MYH4: variants seen among roughly 807,000 people sequenced by gnomAD.
MYH4 encodes the protein myosin heavy chain 4, also known as myosin-4.
A neutral mutation model predicts 229.9 loss-of-function variants in MYH4; 200 were observed. The observed-to-expected ratio is 0.87, with a 90% CI of 0.78 to 0.98. MYH4 has a LOEUF of 0.98. MYH4 is among the 50% of genes least tolerant of loss of function. MYH4 has a pLI of 0.00. For synonymous variants in MYH4, 761 were observed against 834.6 expected (o/e 0.91, Z 1.52); for missense variants, 2,148 against 2,332.6 (o/e 0.92, Z 1.63).
Position 10,450,476 on chromosome 17 carries a change from G to C in MYH4, c.4158C>G (p.Arg1386=). Residue 1386 remains arginine (R), a synonymous_variant, in exon 30 of 40, where the codon CGC becomes CGG. Coordinates refer to ENST00000255381, the MANE Select transcript of MYH4 (RefSeq NM_017533.2). ...ACTTGGCCTCCTCCAGCTCCTCTGTGCGCTGGATGGCGTCCGTCTCGTACT... is the reference window on the plus strand; with the variant it reads ...ACTTGGCCTCCTCCAGCTCCTCTGTCCGCTGGATGGCGTCCGTCTCGTACT... ...RTKYETDAIQ[R]TEELEEAKKK... is the part of the protein sequence containing the mutation. The C allele has an allele frequency of 6.2e-7, 1 of 1,613,896 alleles. No homozygotes were observed. The highest frequency in any genetic ancestry group is 8.5e-7 in the Non-Finnish European group (1 of 1,179,888).
rs762957514 is a variant in MYH4, at chr17:10,450,895, C to T, written c.3866G>A (p.Gly1289Asp). 1.2e-6 allele frequency: 2 copies of T among 1,607,784 alleles called. No homozygotes were observed. The highest frequency in any genetic ancestry group is 1.7e-4 in the Middle Eastern group (1 of 6,056). The part of the protein sequence containing the change: ...AQKARLHTES[G>D]EFSRQLDEKD... ...TTCATCTAGCTGTCGTGAAAACTCA[C>T]CTGTGGAAGACAAAACATCAATGAT... Residue 1289 changes from glycine (G) to aspartate (D), a missense_variant and splice_region_variant, in exon 29 of 40, where the codon GGT becomes GAT. Gly to Asp is a moderately conservative substitution (Grantham distance 94). Coordinates refer to ENST00000255381, the MANE Select transcript of MYH4 (RefSeq NM_017533.2).
chr17:10,456,618 C>A, intron 16 of MYH4, 63 bp from the exon 17 acceptor site: 7 of 1,330,072 alleles, frequency 5.3e-6, no homozygotes, highest in Non-Finnish European at 7.5e-6. Flanking sequence ...TATCCATAAA[C>A]ATCAGGACTG....
At chr17:10,455,466 G>T in intron 19 of MYH4, 148 bp downstream of exon 19, 1 of 1,303,764 alleles carries the variant, frequency 7.7e-7, no homozygotes, top group Non-Finnish European at 1.1e-6. Context: ...AAAAACTTAT[G>T]ATAATATAAA....
Position 10,457,700 on chromosome 17 carries a change from C to T in MYH4, c.1617G>A (p.Glu539=). ...CTGTTGCCTTGGGGAACATGCACTC[C>T]TCTTCTAGGATGGAGAAGATGCCCA... ...KPMGIFSILE[E]ECMFPKATDT... Residue 539 remains glutamate (E), a synonymous_variant, in exon 16 of 40, where the codon GAG becomes GAA. Coordinates refer to ENST00000255381, the MANE Select transcript of MYH4 (RefSeq NM_017533.2). The T allele has an allele frequency of 1.2e-6, 2 of 1,614,058 alleles. No individual in the cohort carries two copies. Among genetic ancestry groups the T allele is most frequent in the Non-Finnish European group, 1.7e-6 (2 of 1,179,954 alleles).
intron 4 of MYH4, among the ~76,000 whole-genome samples, chr17:10,466,049 C>T (rs2072762760): frequency 6.6e-6 from 1 of 152,144 alleles, no homozygotes; most frequent in African/African-American, 2.4e-5. Flanking sequence ...GCTGGGATTA[C>T]AGGCGTGAGC....
intron 35 of MYH4, among the ~76,000 whole-genome samples, chr17:10,446,378 A>G (rs1479187104): frequency 2.0e-5 from 3 of 152,138 alleles, no homozygotes; most frequent in African/African-American, 7.2e-5. Flanking sequence ...GATGTTTCCT[A>G]TATGTTTATA....
In MYH4 at chr17:10,457,641, T is replaced by C. The variant is rs768673169; in HGVS notation, c.1676A>G (p.His559Arg). The change falls in exon 16 of 40, where the codon CAT (histidine) becomes CGT (arginine). Residue 559 changes from histidine (H) to arginine (R), a missense_variant. By Grantham distance (29) the His-to-Arg change is conservative. Coordinates refer to ENST00000255381, the MANE Select transcript of MYH4 (RefSeq NM_017533.2). ...TSFKNKLYEQ[H>R]LGKSNNFQKP... ...CTGGAAGTTGTTGGATTTTCCAAGATGTTGTTCATACAGCTTGTTCTTGAA... is the reference window on the plus strand; with the variant it reads ...CTGGAAGTTGTTGGATTTTCCAAGACGTTGTTCATACAGCTTGTTCTTGAA... 1.5e-5 allele frequency: 24 copies of C among 1,614,116 alleles called. No individual in the cohort carries two copies. Among genetic ancestry groups the C allele is most frequent in the Non-Finnish European group, 1.9e-5 (22 of 1,180,048 alleles).
At chr17:10,467,201 A>G (rs888748019) in intron 2 of MYH4, among the ~76,000 whole-genome samples, 3 of 152,230 alleles carry the variant, frequency 2.0e-5, no homozygotes, top group Non-Finnish European at 2.9e-5. Context: ...TGGCTTTACA[A>G]TATAAATGAA....
chr17:10,453,949 T>C (rs1037072302), intron 22 of MYH4, 64 bp from the exon 23 acceptor site: 1 of 1,587,820 alleles, frequency 6.3e-7, no homozygotes, highest in South Asian at 1.2e-5. Context: ...CAATAATTTA[T>C]TATAAGGTGG....
rs752287908 is a variant in MYH4 at position 10,452,143 on chromosome 17, C to G, written c.3536G>C (p.Arg1179Pro). The G allele has an allele frequency of 1.2e-6, 2 of 1,614,034 alleles. No homozygotes were observed. The highest frequency in any genetic ancestry group is 1.1e-5 in the South Asian group (1 of 91,072). The change falls in exon 27 of 40, where the codon CGC becomes CCC. Residue 1179 changes from arginine (R) to proline (P), a missense_variant. Physicochemically the swap from Arg to Pro is moderately radical, Grantham distance 103 (BLOSUM62 -2). Transcript: ENST00000255381. ...KKREAEFQKM[R>P]RDLEESTLQH... is the part of the protein sequence containing the mutation. ...CAGGGTGGACTCTTCCAGGTCCCTG[C>G]GCATTTTCTGGAACTCAGCCTCCCG...
chr17:10,466,644 G>T lies in MYH4; in HGVS notation c.102C>A (p.Ala34=), dbSNP rs1204283866. ...RIEAQNKPFD[A]KTSVFVVDPK... ...GGTCCACCACAAAGACTGATGTCTT[G>T]GCATCAAAAGGCTTGTTCTGAGCTT... Residue 34 remains alanine (A), a synonymous_variant, in exon 3 of 40, where the codon GCC becomes GCA. Transcript: ENST00000255381. 1.2e-6 allele frequency: 2 copies of T among 1,614,100 alleles called. No homozygotes were observed. Among genetic ancestry groups the T allele is most frequent in the East Asian group, 4.5e-5 (2 of 44,880 alleles).
chr17:10,447,143 C>T lies in MYH4; in HGVS notation c.5039G>A (p.Arg1680His), dbSNP rs781229189. 2.9e-5 allele frequency: 46 copies of T among 1,614,014 alleles called. 1 individual carries two copies. In the Middle Eastern group the frequency reaches 6.6e-4, roughly 23 times the overall value. The change falls in exon 35 of 40, where the codon CGC (arginine) becomes CAC (histidine). Residue 1680 changes from arginine (R) to histidine (H), a missense_variant. Coordinates refer to ENST00000255381, the MANE Select transcript of MYH4 (RefSeq NM_017533.2). ...TTCAGCCTGCATCAGGTTAGCTCTGCGCTCAACCATTGCCAGTTGTTCCTT... is the reference window on the plus strand; with the variant it reads ...TTCAGCCTGCATCAGGTTAGCTCTGTGCTCAACCATTGCCAGTTGTTCCTT... ...DLKEQLAMVE[R>H]RANLMQAEVE... is the part of the protein sequence containing the mutation.
rs368835385 is a variant in MYH4, at chr17:10,457,994, C to A, written c.1588-265G>T. ...AAATCAGATTCTGAAAACATCACTT[C>A]AAAATTGAATTCTTTATTCCATAAA... is the stretch of plus-strand genomic sequence containing the variant. On this transcript the variant is annotated intron_variant, in intron 15 of 39. Coordinates refer to ENST00000255381, the MANE Select transcript of MYH4 (RefSeq NM_017533.2). 5.9e-5 allele frequency among the ~76,000 whole-genome samples: 9 copies of A among 152,274 alleles called. No individual in the cohort carries two copies. The East Asian group carries it at 1.5e-3, about 26-fold the overall frequency.
chr17:10,450,212 G>A (rs1169366756), intron 30 of MYH4, among the ~76,000 whole-genome samples: 1 of 151,812 alleles, frequency 6.6e-6, no homozygotes, highest in Non-Finnish European at 1.5e-5. Context: ...ATCCATCTTG[G>A]TGGAAAGAAA....
chr17:10,463,805 C>T (rs2072729982), intron 7 of MYH4, among the ~76,000 whole-genome samples, 162 bp from the exon 8 acceptor site: 1 of 152,188 alleles, frequency 6.6e-6, no homozygotes, highest in African/African-American at 2.4e-5. Context: ...GGGAGTGGGA[C>T]ACTCCAGTGA....
At chr17:10,464,640 A>AGT (rs1346155812) in intron 6 of MYH4, 41 bp downstream of exon 6, 7 of 1,613,376 alleles carry the variant, frequency 4.3e-6, no homozygotes, top group Non-Finnish European at 5.9e-6. Flanking sequence ...AGTAGCCACT[A>AGT]CAATGATCAA....
At chr17:10,450,917 T>C in intron 28 of MYH4, 22 bp from the exon 29 acceptor site, 4 of 1,547,946 alleles carry the variant, frequency 2.6e-6, no homozygotes, top group Non-Finnish European at 3.6e-6. Flanking sequence ...AAAACATCAA[T>C]GATTTAGTTC....
Position 10,443,911 on chromosome 17 carries a change from C to G in MYH4, c.5668-384G>C, listed in dbSNP as rs924607726. ...CTGGGCAACAAGAGCAAAACTCTGC[C>G]TCGAAAAAAAAAAAAAGAAGAGAAA... On this transcript the variant is annotated intron_variant, in intron 39 of 39. Coordinates refer to ENST00000255381, the MANE Select transcript of MYH4 (RefSeq NM_017533.2). The surrounding 1 kb of genome is among the most constrained non-coding windows in gnomAD (Gnocchi z 4.6). 3.4e-5 allele frequency among the ~76,000 whole-genome samples: 5 copies of G among 148,200 alleles called. No individual in the cohort carries two copies. Among genetic ancestry groups the G allele is most frequent in the African/African-American group, 1.0e-4 (4 of 40,168 alleles).
At chr17:10,465,647 A>G in intron 4 of MYH4, 49 bp from the exon 5 acceptor site, 3 of 1,609,836 alleles carry the variant, frequency 1.9e-6, no homozygotes, top group Non-Finnish European at 2.5e-6. Flanking sequence ...TTGTTTATCT[A>G]TCTTGGAAAT....
Sources: gnomAD v4.1 joint callset for allele counts (sites outside exome capture counted in the v4.1 genomes callset) on GRCh38, gnomAD v4.1.1 for gene constraint, Gnocchi (gnomAD v3.1) non-coding constraint, MANE v1.5 for transcripts, NCBI Gene and HGNC (gene_info 2026-07-23, HGNC 2026-07-21) for gene names.